TPH2: variants seen among roughly 807,000 people sequenced by gnomAD.
TPH2 encodes tryptophan hydroxylase 2, also known as tryptophan 5-hydroxylase 2.
Under a neutral mutation model 59.1 loss-of-function variants are expected in TPH2, and 27 were observed. The observed-to-expected ratio is 0.46, with a 90% CI of 0.34 to 0.63. The LOEUF is 0.63. TPH2 is among the 30% of genes least tolerant of loss of function. The probability of loss-of-function intolerance (pLI) is 0.01; values close to 1 mark genes in which losing one functional copy is unlikely to be tolerated. For synonymous variants in TPH2, 220 were observed against 210.5 expected (o/e 1.05, Z -0.39); for missense variants, 523 against 588.3 (o/e 0.89, Z 1.15).
At chr12:72,023,215 C>T (rs567484449) in intron 9 of TPH2, among the ~76,000 whole-genome samples, 2 of 152,258 alleles carry the variant, frequency 1.3e-5, no homozygotes, top group African/African-American at 4.8e-5. Flanking sequence ...CAGTGTGATA[C>T]ACAATCTAGA....
chr12:72,022,343 A>C (rs1015363896), intron 8 of TPH2, 56 bp from the exon 9 acceptor site: 1 of 1,305,132 alleles, frequency 7.7e-7, no homozygotes, highest in Non-Finnish European at 1.1e-6. Flanking sequence ...GTGCCATTTA[A>C]TCCTATCAAA....
At chr12:71,978,420 C>T (rs576517210) in intron 6 of TPH2, among the ~76,000 whole-genome samples, 5 of 152,146 alleles carry the variant, frequency 3.3e-5, no homozygotes, top group Admixed American at 6.5e-5. Context: ...TTTGGTGTAC[C>T]TCTTCAAATC....
intron 7 of TPH2, among the ~76,000 whole-genome samples, chr12:71,987,330 T>C (rs1237000326): frequency 6.6e-6 from 1 of 152,188 alleles, no homozygotes; most frequent in East Asian, 1.9e-4. Flanking sequence ...GAGCATATCT[T>C]ATGTGCCAGG....
intron 6 of TPH2, among the ~76,000 whole-genome samples, chr12:71,974,461 A>G (rs1206067060): frequency 6.6e-6 from 1 of 151,256 alleles, no homozygotes; most frequent in African/African-American, 2.4e-5. Flanking sequence ...TCTTTGCATC[A>G]CTCCAACCTC....
At chr12:72,003,983 C>T (rs527649867) in intron 8 of TPH2, among the ~76,000 whole-genome samples, 45 of 152,288 alleles carry the variant, frequency 3.0e-4, no homozygotes, top group South Asian at 8.3e-4. Flanking sequence ...ACTCTTTATT[C>T]TCTGTTCATG....
chr12:71,961,705 A>G, intron 5 of TPH2: 1 of 1,349,400 alleles, frequency 7.4e-7, no homozygotes, highest in South Asian at 1.1e-5. Context: ...TAATTTCATG[A>G]TAGTTTTTGC....
At chr12:71,960,065 T>C (rs1566123124) in intron 5 of TPH2, among the ~76,000 whole-genome samples, 1 of 152,228 alleles carries the variant, frequency 6.6e-6, no homozygotes, top group African/African-American at 2.4e-5. Context: ...GCTGTTTGGG[T>C]ACTTTGTGAC....
chr12:72,017,585 T>C (rs1021573470), intron 8 of TPH2, among the ~76,000 whole-genome samples: 1 of 152,250 alleles, frequency 6.6e-6, no homozygotes, highest in Non-Finnish European at 1.5e-5. Flanking sequence ...TTATTATTTG[T>C]TTCTGTTTAA....
At chr12:72,006,965 TG>T (rs1320257577) in intron 8 of TPH2, among the ~76,000 whole-genome samples, 1 of 152,116 alleles carries the variant, frequency 6.6e-6, no homozygotes, top group African/African-American at 2.4e-5. Context: ...CTCAGACTTC[TG>T]GGTGGCCATA....
chr12:71,996,908 T>G (rs1218491410), intron 8 of TPH2, among the ~76,000 whole-genome samples: 3 of 152,236 alleles, frequency 2.0e-5, no homozygotes, highest in Non-Finnish European at 4.4e-5. Flanking sequence ...TTCTCCTCAC[T>G]TTTTGGAAAT....
Position 71,989,905 on chromosome 12 carries a change from C to A in TPH2, c.942-4534C>A, listed in dbSNP as rs140514466. Among the ~76,000 whole-genome samples the A allele has an allele frequency of 5.9e-3, 890 of 150,838 alleles. 12 individuals are homozygous for A. The highest frequency in any genetic ancestry group is 0.021 in the African/African-American group (866 of 41,130). On this transcript the variant is annotated intron_variant, in intron 7 of 10. Transcript: ENST00000333850. ...CTAGCAGGGCTTATCAGAGAAGATT[C>A]CAATTTAGAGCAGCAAAAGTTTAGT...
intron 5 of TPH2, among the ~76,000 whole-genome samples, chr12:71,960,183 T>C (rs180922737): frequency 2.0e-5 from 3 of 152,350 alleles, no homozygotes; most frequent in Admixed American, 1.3e-4. Flanking sequence ...ATTTCCCAGA[T>C]GAATAGGATA....
intron 5 of TPH2, among the ~76,000 whole-genome samples, chr12:71,961,086 C>G (rs1203096203): frequency 6.6e-6 from 1 of 152,088 alleles, no homozygotes. Flanking sequence ...GAGGCCAAAC[C>G]TTGATGCTAG....
At chr12:72,010,192 A>G (rs1873063121) in intron 8 of TPH2, among the ~76,000 whole-genome samples, 1 of 152,178 alleles carries the variant, frequency 6.6e-6, no homozygotes, top group Non-Finnish European at 1.5e-5. Context: ...CTACCACATT[A>G]CATCACTTTC....
chr12:72,014,045 C>T lies in TPH2; in HGVS notation c.1069-8354C>T, dbSNP rs142049141. On this transcript the variant is annotated intron_variant, in intron 8 of 10. Transcript: ENST00000333850. Reference sequence around the variant, plus strand: ...ATAGAAATCTAGGTGTAGCTGCAGTCGTGAAAGGCATTTGGACCAGTGGTA... The same window carrying T: ...ATAGAAATCTAGGTGTAGCTGCAGTTGTGAAAGGCATTTGGACCAGTGGTA... 1.7e-4 allele frequency among the ~76,000 whole-genome samples: 26 copies of T among 152,152 alleles called. No individual in the cohort carries two copies. The East Asian group carries it at 4.3e-3, about 25-fold the overall frequency.
intron 8 of TPH2, among the ~76,000 whole-genome samples, chr12:72,004,309 C>A (rs905733274): frequency 1.0e-4 from 15 of 150,348 alleles, no homozygotes; most frequent in Admixed American, 8.8e-4. Flanking sequence ...TCTTCTACTG[C>A]CCAATGTTGA....
chr12:71,950,678 A>T (rs1225302103), intron 5 of TPH2, among the ~76,000 whole-genome samples: 1 of 152,200 alleles, frequency 6.6e-6, no homozygotes, highest in Admixed American at 6.5e-5. Context: ...AACAAAATGC[A>T]AATCCATCTC....
chr12:71,941,505 G>A lies in TPH2; in HGVS notation c.106-79G>A, dbSNP rs1047501519. 21 of 1,528,192 alleles carry A rather than the reference G, an allele frequency of 1.4e-5. No individual in the cohort carries two copies. In the East Asian group the frequency reaches 3.9e-4, roughly 28 times the overall value. 94.7% of individuals were successfully genotyped at this position (1,528,192 alleles called of 1,614,324 possible). A position where few individuals can be genotyped will look rare whatever the true frequency, so the allele number is the denominator to read the frequency against. ...GGAGCTTCCAGCTTATGAATGACAT[G>A]TATGGGAAAAATCTAATTACGGAGG... On this transcript the variant is annotated intron_variant, in intron 1 of 10. Transcript: ENST00000333850.
chr12:71,974,132 T>C (rs1328979003), intron 6 of TPH2, among the ~76,000 whole-genome samples: 2 of 152,172 alleles, frequency 1.3e-5, no homozygotes, highest in Admixed American at 1.3e-4. Flanking sequence ...GAACTTGCTT[T>C]CTTGCTTGTC....
Sources: allele counts gnomAD v4.1 joint callset (sites outside exome capture counted in the v4.1 genomes callset), GRCh38; gene constraint gnomAD v4.1.1; transcripts MANE v1.5; gene names NCBI Gene and HGNC (gene_info 2026-07-23, HGNC 2026-07-21).